FMN1: variants seen among roughly 807,000 people sequenced by gnomAD.
The protein encoded by FMN1 is formin-1.
FMN1 carries 110 observed loss-of-function variants against 132.4 expected under a neutral mutation model. The ratio of observed to expected loss-of-function variants is 0.83; its 90% CI spans 0.71 to 0.97. The LOEUF is 0.97. Ranked by LOEUF, FMN1 falls within the 50% of genes least tolerant of loss-of-function variation. The pLI, the probability that FMN1 is intolerant of heterozygous loss-of-function variation, is 0.00. For synonymous variants in FMN1, 722 were observed against 651.7 expected (o/e 1.11, Z -1.64); for missense variants, 1,792 against 1,705.3 (o/e 1.05, Z -0.90).
intron 6 of FMN1, among the ~76,000 whole-genome samples, chr15:33,055,008 C>T (rs973104451): frequency 6.6e-6 from 1 of 152,100 alleles, no homozygotes; most frequent in African/African-American, 2.4e-5. Flanking sequence ...TCTCCTCAGC[C>T]ACAGCACTCA....
At chr15:32,956,103 C>G (rs375950400) in intron 9 of FMN1, among the ~76,000 whole-genome samples, 1 of 152,188 alleles carries the variant, frequency 6.6e-6, no homozygotes, top group Non-Finnish European at 1.5e-5. Context: ...GGGGCAGTTA[C>G]TCTCTTCCAG....
intron 4 of FMN1, among the ~76,000 whole-genome samples, chr15:33,118,741 T>C (rs971117670): frequency 2.6e-5 from 4 of 152,132 alleles, no homozygotes; most frequent in Non-Finnish European, 5.9e-5. Flanking sequence ...TTTGGTTAAA[T>C]AATCTAGATT....
At position 33,126,256 on chromosome 15, in the gene FMN1, G is replaced by A. The variant is rs74008219; in HGVS notation, c.1867+26792C>T. Reference sequence around the variant, plus strand: ...AGACTTCAGAGAAGGAAGATGGGTGGAAAGATCAAGGAAACACCACTGTGA... The same window carrying A: ...AGACTTCAGAGAAGGAAGATGGGTGAAAAGATCAAGGAAACACCACTGTGA... On this transcript the variant is annotated intron_variant, in intron 4 of 20. Coordinates refer to ENST00000616417, the MANE Select transcript of FMN1 (RefSeq NM_001277313.2). 2.4e-3 allele frequency among the ~76,000 whole-genome samples: 358 copies of A among 152,262 alleles called. 3 individuals are homozygous for A. Among genetic ancestry groups the A allele is most frequent in the African/African-American group, 8.3e-3 (346 of 41,530 alleles).
chr15:33,049,740 A>G (rs1016435092), intron 6 of FMN1, among the ~76,000 whole-genome samples: 2 of 152,210 alleles, frequency 1.3e-5, no homozygotes, highest in African/African-American at 4.8e-5. Context: ...AATGTAGCCA[A>G]CTGTCCAAAT....
At chr15:33,099,374 ATGTT>A (rs1408377691) in intron 4 of FMN1, among the ~76,000 whole-genome samples, 1 of 152,210 alleles carries the variant, frequency 6.6e-6, no homozygotes, top group Non-Finnish European at 1.5e-5. Flanking sequence ...ATCAGGAATC[ATGTT>A]TATTTCCTAC....
At chr15:32,896,084 A>C (rs2060147726) in intron 15 of FMN1, among the ~76,000 whole-genome samples, 1 of 152,050 alleles carries the variant, frequency 6.6e-6, no homozygotes, top group South Asian at 2.1e-4. Flanking sequence ...TATGAGATCT[A>C]GGAGATAATT....
chr15:32,952,949 T>C (rs1178594046), intron 9 of FMN1, among the ~76,000 whole-genome samples: 2 of 152,122 alleles, frequency 1.3e-5, no homozygotes, highest in Non-Finnish European at 2.9e-5. Context: ...TCAAATTAGC[T>C]TTTCCACCCT....
chr15:33,093,355 A>G (rs1047677442), intron 4 of FMN1, among the ~76,000 whole-genome samples: 1 of 152,224 alleles, frequency 6.6e-6, no homozygotes, highest in Non-Finnish European at 1.5e-5. Context: ...CCATTATGTT[A>G]TTCAAACGTG....
At chr15:32,810,207 G>A (rs956645619) in intron 17 of FMN1, among the ~76,000 whole-genome samples, 2 of 152,198 alleles carry the variant, frequency 1.3e-5, no homozygotes, top group Admixed American at 6.5e-5. Context: ...GTGAGCCACC[G>A]TGCCCAGCCT....
chr15:32,847,052 T>C (rs2058873431), intron 17 of FMN1, among the ~76,000 whole-genome samples: 1 of 152,192 alleles, frequency 6.6e-6, no homozygotes, highest in Admixed American at 6.5e-5. Context: ...TTAATGCAAT[T>C]GCAGCTCCAG....
chr15:32,839,912 T>C (rs1353774828), intron 17 of FMN1, among the ~76,000 whole-genome samples: 2 of 65,456 alleles, frequency 3.1e-5, no homozygotes, highest in African/African-American at 6.5e-5. Context: ...ACTGAAGAAC[T>C]GTATACTTGA....
chr15:32,896,669 C>T (rs1413468408), intron 15 of FMN1, among the ~76,000 whole-genome samples: 1 of 152,064 alleles, frequency 6.6e-6, no homozygotes, highest in East Asian at 1.9e-4. Context: ...AGTATTTGCC[C>T]TTCTGTGACT....
At position 33,153,544 on chromosome 15, in the gene FMN1, CTT is replaced by C. The variant is rs1964537859; in HGVS notation, c.1369_1370del (p.Lys457GlufsTer24). On this transcript the variant is annotated frameshift_variant, in exon 4 of 21. Transcript: ENST00000616417. LOFTEE classifies it high-confidence loss of function. ...CACCAAGGGGCAACCCGGCTCTCCT[CTT>C]GTTTCTCGTTTCTGGGCGAGTGTGA... is the stretch of plus-strand genomic sequence containing the variant. The part of the protein sequence containing the change: ...VPHTRPETRN[K>X]RRAGLPLGGH... 7 of 1,536,182 alleles carry C rather than the reference CTT, an allele frequency of 4.6e-6. No homozygotes were observed. Among genetic ancestry groups the C allele is most frequent in the Non-Finnish European group, 5.2e-6 (6 of 1,146,964 alleles).
At chr15:33,097,596 C>T (rs1013493688) in intron 4 of FMN1, among the ~76,000 whole-genome samples, 2 of 152,246 alleles carry the variant, frequency 1.3e-5, no homozygotes, top group South Asian at 2.1e-4. Flanking sequence ...GGAAAGAGAA[C>T]TTTAAAGTGT....
rs556731450 is a variant in FMN1, at chr15:33,057,469, T to C, written c.2161+7488A>G. ...TGAACTTCATATATATTGTCTTATC[T>C]CTACAATAATTGTTTAAAATTATCA... is the stretch of plus-strand genomic sequence containing the variant. On this transcript the variant is annotated intron_variant, in intron 6 of 20. Transcript: ENST00000616417. 7.2e-4 allele frequency among the ~76,000 whole-genome samples: 109 copies of C among 152,302 alleles called. 1 individual carries two copies. Among genetic ancestry groups the C allele is most frequent in the African/African-American group, 2.5e-3 (105 of 41,566 alleles).
intron 6 of FMN1, among the ~76,000 whole-genome samples, chr15:33,037,509 G>T (rs1322533179): frequency 1.3e-5 from 2 of 152,194 alleles, no homozygotes; most frequent in Non-Finnish European, 2.9e-5. Flanking sequence ...ATATATGAGG[G>T]AACTGGCTGT....
chr15:33,124,625 G>GT (rs1280927808), intron 4 of FMN1, among the ~76,000 whole-genome samples: 2 of 152,092 alleles, frequency 1.3e-5, no homozygotes, highest in East Asian at 3.9e-4. Context: ...CTTCTAGAAT[G>GT]TATTTGGTAT....
At chr15:32,780,754 T>G (rs553217374) in intron 19 of FMN1, among the ~76,000 whole-genome samples, 1 of 152,236 alleles carries the variant, frequency 6.6e-6, no homozygotes, top group East Asian at 1.9e-4. Context: ...AAAGGCTAGC[T>G]TTGGGTAACC....
chr15:33,129,722 A>C (rs1963451459), intron 4 of FMN1, among the ~76,000 whole-genome samples: 1 of 152,016 alleles, frequency 6.6e-6, no homozygotes, highest in Admixed American at 6.6e-5. Context: ...AGTCTGAGAC[A>C]TTTTGTAAGA....
Sources: gnomAD v4.1 joint callset for allele counts (sites outside exome capture counted in the v4.1 genomes callset) on GRCh38, gnomAD v4.1.1 for gene constraint, MANE v1.5 for transcripts, NCBI Gene and HGNC (gene_info 2026-07-23, HGNC 2026-07-21) for gene names.